The following CCDC3 variants were observed in gnomAD, a reference collection of about 807,000 sequenced individuals.
CCDC3 encodes the protein coiled-coil domain containing 3.
Under a neutral mutation model 21.4 loss-of-function variants are expected in CCDC3, and 24 were observed. The ratio of observed to expected loss-of-function variants is 1.12; its 90% CI spans 0.81 to 1.58. The LOEUF (loss-of-function observed/expected upper bound fraction) is 1.58, where lower values mean the gene tolerates loss of function less well. Among genes scored for constraint, CCDC3 ranks in the 40% most tolerant of loss-of-function variants. The pLI is 0.00. For synonymous variants in CCDC3, 186 were observed against 166.0 expected, an observed-to-expected ratio of 1.12 and a Z score of -0.93; for missense variants, 425 against 360.9, an observed-to-expected ratio of 1.18 and a Z score of -1.44.
intron 5 of CCDC3, among the ~76,000 whole-genome samples, chr10:13,024,706 G>A (rs538197114): frequency 7.4e-4 from 113 of 152,082 alleles, no homozygotes; most frequent in Non-Finnish European, 1.4e-3. Flanking sequence ...TCTGTTCTCC[G>A]TCATAGGCAA....
chr10:13,010,379 CAA>C (rs1477641960), intron 5 of CCDC3, among the ~76,000 whole-genome samples: 1 of 152,132 alleles, frequency 6.6e-6, no homozygotes, highest in African/African-American at 2.4e-5. Flanking sequence ...AAAAAACGCT[CAA>C]AGTCATTAGT....
chr10:12,939,168 T>C (rs1834782709), intron 2 of CCDC3, among the ~76,000 whole-genome samples: 3 of 152,086 alleles, frequency 2.0e-5, no homozygotes, highest in African/African-American at 7.3e-5. Flanking sequence ...TTCGCCCTTA[T>C]CAATGACCTT....
At chr10:12,926,371 C>T (rs1307628843) in intron 2 of CCDC3, among the ~76,000 whole-genome samples, 1 of 152,146 alleles carries the variant, frequency 6.6e-6, no homozygotes, top group Non-Finnish European at 1.5e-5. Context: ...GCAATAGGGG[C>T]CTTAGCTATG....
chr10:12,970,887 C>CAAAAAAAAAAAAAAAA (rs34307162), intron 2 of CCDC3, among the ~76,000 whole-genome samples: 1 of 134,644 alleles, frequency 7.4e-6, no homozygotes. Context: ...AAGACTGTCT[C>CAAAAAAAAAAAAAAAA]AAAAAAAAAA....
chr10:12,991,661 T>A (rs1291524727), intron 2 of CCDC3, among the ~76,000 whole-genome samples: 6 of 152,096 alleles, frequency 3.9e-5, no homozygotes. Flanking sequence ...ATGGAGCCAG[T>A]CAGATAGAAA....
At chr10:12,945,806 A>G (rs1381757777) in intron 2 of CCDC3, among the ~76,000 whole-genome samples, 2 of 152,218 alleles carry the variant, frequency 1.3e-5, no homozygotes, top group African/African-American at 4.8e-5. Flanking sequence ...TTTTTCTATA[A>G]CTATGTTCAA....
At position 13,075,207 on chromosome 10, in the gene CCDC3, A is replaced by G. The variant is rs374106245; in HGVS notation, c.-502-1107T>C. Among the ~76,000 whole-genome samples the G allele has an allele frequency of 9.9e-5, 15 of 152,276 alleles. No homozygotes were observed. In the South Asian group the frequency reaches 3.1e-3, roughly 32 times the overall value. On this transcript the variant is annotated intron_variant, in intron 3 of 6. Coordinates refer to the CCDC3 transcript ENST00000378839. ...GAGTCTTTTCCACTATGGTTTTCCTATTTCCTCTGCTGGTGCATAAAGTGC... is the reference window on the plus strand; with the variant it reads ...GAGTCTTTTCCACTATGGTTTTCCTGTTTCCTCTGCTGGTGCATAAAGTGC...
intron 5 of CCDC3, among the ~76,000 whole-genome samples, chr10:13,016,572 TA>T (rs1280661360): frequency 6.6e-6 from 1 of 152,038 alleles, no homozygotes; most frequent in East Asian, 1.9e-4. Flanking sequence ...ATTTCATAGA[TA>T]AAAAAGCTGC....
chr10:13,052,927 T>TTGAGACTC (rs1232314776), intron 4 of CCDC3, among the ~76,000 whole-genome samples: 3 of 143,700 alleles, frequency 2.1e-5, no homozygotes, highest in African/African-American at 7.8e-5. Context: ...GGGCAGTAGA[T>TTGAGACTC]TGAGACTCTG....
chr10:12,916,341 A>G (rs1184979531), intron 2 of CCDC3, among the ~76,000 whole-genome samples: 2 of 151,352 alleles, frequency 1.3e-5, no homozygotes, highest in East Asian at 3.9e-4. Flanking sequence ...CTGAGGCAGG[A>G]GAATCTCTTG....
At chr10:12,977,876 A>T in intron 2 of CCDC3, among the ~76,000 whole-genome samples, 1 of 152,200 alleles carries the variant, frequency 6.6e-6, no homozygotes, top group Non-Finnish European at 1.5e-5. Flanking sequence ...TGGGATCCAC[A>T]TAGGTTGAAT....
chr10:12,986,582 A>G (rs976313320), intron 2 of CCDC3, among the ~76,000 whole-genome samples: 36 of 152,288 alleles, frequency 2.4e-4, no homozygotes, highest in Admixed American at 7.8e-4. Context: ...AAACCACTCT[A>G]GCTAACATGG....
At chr10:12,907,367 G>A (rs12268570) in intron 2 of CCDC3, among the ~76,000 whole-genome samples, 20,522 of 152,144 alleles carry the variant, frequency 0.13, 1,734 homozygotes, top group East Asian at 0.29. Flanking sequence ...TAGTTTTGCC[G>A]GGTGCAGTGG....
Position 12,915,609 on chromosome 10 carries a change from T to C in CCDC3, c.550-16930A>G, listed in dbSNP as rs567615555. ...AGGAAGTAGAGATTTATTTCAGTCT[T>C]TGTTTGAGAAAGCCTTTCACCAGTA... On this transcript the variant is annotated intron_variant, in intron 2 of 2. Transcript: ENST00000378825. 1.2e-4 allele frequency among the ~76,000 whole-genome samples: 19 copies of C among 152,314 alleles called. No individual in the cohort carries two copies. In the East Asian group the frequency reaches 3.1e-3, roughly 25 times the overall value.
intron 5 of CCDC3, among the ~76,000 whole-genome samples, chr10:13,040,405 G>A (rs1023730357): frequency 6.6e-5 from 10 of 152,150 alleles, no homozygotes; most frequent in Non-Finnish European, 1.3e-4. Flanking sequence ...TGAGTCATCC[G>A]CAAAAGTAAA....
chr10:12,985,525 G>A (rs371749913), intron 2 of CCDC3, among the ~76,000 whole-genome samples: 42 of 152,296 alleles, frequency 2.8e-4, no homozygotes, highest in East Asian at 7.7e-4. Context: ...GAAAGTTACC[G>A]TAATGTCTTT....
intron 5 of CCDC3, among the ~76,000 whole-genome samples, chr10:13,028,442 C>A (rs1460227473): frequency 1.3e-5 from 2 of 152,140 alleles, no homozygotes; most frequent in Non-Finnish European, 2.9e-5. Flanking sequence ...CAGACTAATA[C>A]ACACAACCCA....
intron 2 of CCDC3, among the ~76,000 whole-genome samples, chr10:12,933,168 G>A (rs145234620): frequency 1.3e-5 from 2 of 152,154 alleles, no homozygotes; most frequent in Non-Finnish European, 1.5e-5. Context: ...CTGGCTTGTA[G>A]AATGAGTTAG....
intron 4 of CCDC3, among the ~76,000 whole-genome samples, chr10:13,066,808 G>A (rs1367705147): frequency 6.6e-6 from 1 of 152,082 alleles, no homozygotes; most frequent in Non-Finnish European, 1.5e-5. Flanking sequence ...TGGTGACCTG[G>A]GATTCAATCT....
Sources: allele counts gnomAD v4.1 joint callset (sites outside exome capture counted in the v4.1 genomes callset), GRCh38; gene constraint gnomAD v4.1.1; transcripts MANE v1.5; gene names NCBI Gene and HGNC (gene_info 2026-07-23, HGNC 2026-07-21).